MUC22: variants seen among roughly 807,000 people sequenced by gnomAD.
MUC22 encodes mucin-22.
MUC22 carries 24 observed loss-of-function variants against 40.3 expected under a neutral mutation model. The observed-to-expected ratio is 0.60, with a 90% CI of 0.43 to 0.84. The LOEUF is 0.84. MUC22 is among the 40% of genes least tolerant of loss of function. The probability of loss-of-function intolerance (pLI) is 0.00; values close to 1 mark genes in which losing one functional copy is unlikely to be tolerated. For synonymous variants in MUC22, 765 were observed against 844.5 expected (o/e 0.91, Z 1.63); for missense variants, 1,926 against 2,130.7 (o/e 0.90, Z 1.89).
chr6:31,029,681 C>T (rs1765867351), exon 2 of MUC22: 3 of 1,534,962 alleles, frequency 2.0e-6, no homozygotes, highest in Non-Finnish European at 2.6e-6. Context: ...GAGGCCACCA[C>T]ATCCTCTGCT....
intron 1 of MUC22, among the ~76,000 whole-genome samples, chr6:31,013,923 A>G (rs1389097647): frequency 2.6e-5 from 4 of 152,080 alleles, no homozygotes; most frequent in Non-Finnish European, 5.9e-5. Context: ...CCTTCTAATG[A>G]AAAGAAAGAT....
chr6:31,025,913 C>T, exon 2 of MUC22: 1 of 1,535,480 alleles, frequency 6.5e-7, no homozygotes, highest in Non-Finnish European at 8.7e-7. Flanking sequence ...ACCTCCACTG[C>T]AGGCTCTGAG....
chr6:31,025,688 C>G lies in MUC22; in HGVS notation c.257C>G (p.Ala86Gly), dbSNP rs759668593. 196 of 1,529,464 alleles carry G rather than the reference C, an allele frequency of 1.3e-4. No individual in the cohort carries two copies. The highest frequency in any genetic ancestry group is 1.5e-4 in the Non-Finnish European group (174 of 1,142,310). 94.7% of individuals were successfully genotyped at this position (1,529,464 alleles called of 1,614,324 possible). A position where few individuals can be genotyped will look rare whatever the true frequency, so the allele number is the denominator to read the frequency against. Residue 86 changes from alanine to glycine, a missense_variant, in exon 2 of 4, where the codon GCC (alanine) becomes GGC (glycine). This residue lies in a region of MUC22 where 1,281 missense variants were observed against 1,337.8 expected (regional missense o/e 0.96). Transcript: ENST00000561890. ...GCCTCCACCATGGCTTCTACTGCAGCCTTCACCACAGGCTCTGAGACCAAC... is the reference window on the plus strand; with the variant it reads ...GCCTCCACCATGGCTTCTACTGCAGGCTTCACCACAGGCTCTGAGACCAAC...
At position 31,025,218 on chromosome 6, in the gene MUC22, C is replaced by T. The variant is rs115832054; in HGVS notation, c.71-284C>T. On this transcript the variant is annotated intron_variant, in intron 1 of 3. Transcript: ENST00000561890. The stretch of plus-strand genomic sequence containing the variant: ...TTCCTCAGAGAGACCTTTTCTGACT[C>T]CAGTATCTAAAGCAGCACCACTGCT... 7.7e-3 allele frequency among the ~76,000 whole-genome samples: 1,172 copies of T among 152,232 alleles called. 13 individuals are homozygous for T. Among genetic ancestry groups the T allele is most frequent in the African/African-American group, 0.026 (1,087 of 41,508 alleles).
At chr6:31,013,664 C>G (rs1287952880) in intron 1 of MUC22, among the ~76,000 whole-genome samples, 1 of 152,102 alleles carries the variant, frequency 6.6e-6, no homozygotes, top group Non-Finnish European at 1.5e-5. Context: ...GTTCATACTG[C>G]ATTTATCTAT....
exon 2 of MUC22, chr6:31,028,749 T>A (rs760635866): frequency 6.7e-7 from 1 of 1,485,920 alleles, no homozygotes; most frequent in South Asian, 1.2e-5. Context: ...CTGAGACCAC[T>A]ACAGCCTCTA....
At chr6:31,021,120 G>C (rs1197991386) in intron 1 of MUC22, among the ~76,000 whole-genome samples, 1 of 152,278 alleles carries the variant, frequency 6.6e-6, no homozygotes, top group East Asian at 1.9e-4. Flanking sequence ...CATGGCGTAG[G>C]ACTGGCAGGC....
At position 31,027,280 on chromosome 6, in the gene MUC22, A is replaced by G; in HGVS notation, c.1849A>G (p.Thr617Ala). ...CTCCATCATGGGCTCTGAGACCAGC[A>G]CAGATTCTACCACAGGCTCTGAGAC... The change falls in exon 2 of 4, where the codon ACA (threonine) becomes GCA (alanine). Residue 617 changes from threonine (T) to alanine (A), a missense_variant. Coordinates refer to ENST00000561890, the Ensembl canonical transcript of MUC22. The G allele has an allele frequency of 1.5e-6, 2 of 1,360,368 alleles. 1 individual carries two copies. The highest frequency in any genetic ancestry group is 1.9e-6 in the Non-Finnish European group (2 of 1,033,460). The allele number at this position is 1,360,368 out of a possible 1,614,324, so 84.3% of individuals were successfully genotyped here.
At position 31,026,455 on chromosome 6, in the gene MUC22, A is replaced by G. The variant is rs116938859; in HGVS notation, c.1024A>G (p.Met342Val). The change falls in exon 2 of 4, where the codon ATG (methionine) becomes GTG (valine). Residue 342 changes from methionine to valine, a missense_variant. This residue lies in a region of MUC22 where 1,281 missense variants were observed against 1,337.8 expected (regional missense o/e 0.96). Transcript: ENST00000561890. ...AGGCTCTGGGACCACCACAGCTTCT[A>G]TGGCAGGCTCTGAGACCACCGTCTC... The G allele has an allele frequency of 8.8e-3, 13,204 of 1,507,650 alleles. 1,537 individuals carry two copies. Among genetic ancestry groups the G allele is most frequent in the East Asian group, 0.046 (1,868 of 40,614 alleles). The allele number at this position is 1,507,650 out of a possible 1,614,324, so 93.4% of individuals were successfully genotyped here.
upstream of MUC22, chr6:31,006,174 C>T (rs1184860801): frequency 1.6e-5 from 6 of 374,696 alleles, no homozygotes; most frequent in East Asian, 2.1e-4. Context: ...TATGGAAAGA[C>T]GTATCATAAG....
intron 1 of MUC22, among the ~76,000 whole-genome samples, chr6:31,016,161 TTC>T (rs1281689697): frequency 6.6e-6 from 1 of 152,034 alleles, no homozygotes; most frequent in East Asian, 1.9e-4. Flanking sequence ...GTGCTATACT[TTC>T]TCTTATATTG....
At chr6:31,018,879 G>T (rs1764466387) in intron 1 of MUC22, among the ~76,000 whole-genome samples, 1 of 152,226 alleles carries the variant, frequency 6.6e-6, no homozygotes, top group South Asian at 2.1e-4. Flanking sequence ...CTCCTTCTCA[G>T]TCTCATTCAT....
intron 1 of MUC22, among the ~76,000 whole-genome samples, chr6:31,022,796 T>G (rs1271024445): frequency 1.8e-5 from 2 of 109,976 alleles, no homozygotes; most frequent in Non-Finnish European, 3.9e-5. Flanking sequence ...CAAATAAGAA[T>G]GATATTTAAT....
Position 31,032,386 on chromosome 6 carries a change from C to T in MUC22, c.4860C>T (p.Ser1620=), listed in dbSNP as rs561532111. The T allele has an allele frequency of 1.2e-5, 19 of 1,535,720 alleles. No individual in the cohort carries two copies. In the Admixed American group the frequency reaches 3.1e-4, roughly 25 times the overall value. The stretch of plus-strand genomic sequence containing the variant: ...ACGGCGTCAGGACCACCACAGGATC[C>T]ACCCGTGAGCCAACCAGCAGCACCT... Residue 1620 remains serine, a synonymous_variant, in exon 3 of 4, where the codon TCC becomes TCT. Transcript: ENST00000561890. This position sits in a 1 kb window ranked among gnomAD's most constrained non-coding sequence, Gnocchi z 4.1.
At chr6:31,030,532 A>G (rs1765982736) in intron 2 of MUC22, among the ~76,000 whole-genome samples, 1 of 150,450 alleles carries the variant, frequency 6.6e-6, no homozygotes, top group Non-Finnish European at 1.5e-5. Context: ...AAAAAAAAAA[A>G]ATGTCCTCTT....
At chr6:31,021,682 A>G (rs1269835625) in intron 1 of MUC22, among the ~76,000 whole-genome samples, 1 of 151,952 alleles carries the variant, frequency 6.6e-6, no homozygotes, top group Admixed American at 6.5e-5. Flanking sequence ...AACTAATCTG[A>G]TGGGGACGTG....
At chr6:31,026,517 A>G in exon 2 of MUC22, 1 of 1,501,756 alleles carries the variant, frequency 6.7e-7, no homozygotes, top group East Asian at 2.5e-5. Flanking sequence ...TCTCTATCAC[A>G]GGCACTGAGA....
At chr6:31,015,805 G>A (rs1764155175) in intron 1 of MUC22, among the ~76,000 whole-genome samples, 1 of 152,118 alleles carries the variant, frequency 6.6e-6, no homozygotes, top group Non-Finnish European at 1.5e-5. Context: ...TTCTTTCATT[G>A]TGTTAGGAAT....
chr6:31,012,480 CTG>C (rs1763924754), intron 1 of MUC22, among the ~76,000 whole-genome samples: 1 of 152,222 alleles, frequency 6.6e-6, no homozygotes, highest in East Asian at 1.9e-4. Context: ...TCAGAAGAAA[CTG>C]TCATTCATGT....
Sources: gnomAD v4.1 joint callset for allele counts (sites outside exome capture counted in the v4.1 genomes callset) on GRCh38, gnomAD v4.1.1 for gene constraint, gnomAD v4.1.1 regional missense constraint, Gnocchi (gnomAD v3.1) non-coding constraint, MANE v1.5 for transcripts, NCBI Gene and HGNC (gene_info 2026-07-23, HGNC 2026-07-21) for gene names.